The following NR3C2 variants were observed in gnomAD, a reference collection of about 807,000 sequenced individuals.
NR3C2 encodes the protein nuclear receptor subfamily 3 group C member 2.
NR3C2 carries 15 observed loss-of-function variants against 86.4 expected under a neutral mutation model. That is an observed-to-expected ratio of 0.17 (90% CI 0.12 to 0.27). The LOEUF (loss-of-function observed/expected upper bound fraction) is 0.27, where lower values mean the gene tolerates loss of function less well. NR3C2 is among the 10% of genes least tolerant of loss of function. NR3C2 has a pLI of 1.00. For missense variants in NR3C2, 960 were observed against 1,195.6 expected (o/e 0.80, Z 2.91); for synonymous variants, 458 against 450.5 (o/e 1.02, Z -0.21).
Position 148,184,383 on chromosome 4 carries a change from C to T in NR3C2, c.2014+10363G>A, listed in dbSNP as rs1360378700. 5.3e-5 allele frequency among the ~76,000 whole-genome samples: 8 copies of T among 151,612 alleles called. No homozygotes were observed. In the South Asian group the frequency reaches 1.0e-3, roughly 20 times the overall value. On this transcript the variant is annotated intron_variant, in intron 4 of 8. Coordinates refer to ENST00000358102, the MANE Select transcript of NR3C2 (RefSeq NM_000901.5). Reference sequence around the variant, plus strand: ...CTGAGGCAGGAGAATCGCTTGAACCCGGGAGGCGGAGGTTGCAGTGAGCAT... The same window carrying T: ...CTGAGGCAGGAGAATCGCTTGAACCTGGGAGGCGGAGGTTGCAGTGAGCAT...
At chr4:148,147,102 G>C (rs968524247) in intron 6 of NR3C2, among the ~76,000 whole-genome samples, 1 of 152,160 alleles carries the variant, frequency 6.6e-6, no homozygotes, top group Non-Finnish European at 1.5e-5. Flanking sequence ...AAAGTTTTGA[G>C]TTTATAATAA....
chr4:148,423,451 C>T (rs2126614522), intron 2 of NR3C2, among the ~76,000 whole-genome samples: 1 of 152,280 alleles, frequency 6.6e-6, no homozygotes, highest in South Asian at 2.1e-4. Flanking sequence ...GAAATCTTCA[C>T]CTCCTGTATG....
intron 4 of NR3C2, among the ~76,000 whole-genome samples, chr4:148,193,894 T>C (rs1413473995): frequency 6.6e-6 from 1 of 152,242 alleles, no homozygotes; most frequent in Admixed American, 6.5e-5. Flanking sequence ...TATCCAATTG[T>C]CATAGTATTT....
At chr4:148,286,483 A>C (rs1741526587) in intron 2 of NR3C2, among the ~76,000 whole-genome samples, 1 of 152,196 alleles carries the variant, frequency 6.6e-6, no homozygotes, top group African/African-American at 2.4e-5. Context: ...CCATATGGTC[A>C]CTGCAAAAAG....
rs375273280 is a variant in NR3C2, at chr4:148,311,851, T to C, written c.1758-51734A>G. Among the ~76,000 whole-genome samples, 20 of 152,336 alleles carry C rather than the reference T, an allele frequency of 1.3e-4. 2 individuals are homozygous for C. The East Asian group carries it at 2.9e-3, about 22-fold the overall frequency. On this transcript the variant is annotated intron_variant, in intron 2 of 8. Coordinates refer to ENST00000358102, the MANE Select transcript of NR3C2 (RefSeq NM_000901.5). ...GCCAAGATACTCCTGCTTAGGACAT[T>C]TGCATCTGCTATTCACTCTGCCTGG...
chr4:148,421,596 T>C (rs938054965), intron 2 of NR3C2, among the ~76,000 whole-genome samples: 1 of 152,202 alleles, frequency 6.6e-6, no homozygotes, highest in African/African-American at 2.4e-5. Flanking sequence ...ATCAGTGACA[T>C]TTCTGGAGGA....
At chr4:148,393,833 G>C (rs2126502751) in intron 2 of NR3C2, among the ~76,000 whole-genome samples, 1 of 152,266 alleles carries the variant, frequency 6.6e-6, no homozygotes, top group South Asian at 2.1e-4. Flanking sequence ...TGAAGGTATG[G>C]AATGGTGGGG....
At chr4:148,418,221 T>C (rs1249965058) in intron 2 of NR3C2, among the ~76,000 whole-genome samples, 2 of 152,186 alleles carry the variant, frequency 1.3e-5, no homozygotes, top group Non-Finnish European at 2.9e-5. Flanking sequence ...TATGTTATAG[T>C]CCATAATAAG....
In NR3C2 at chr4:148,436,308, T is replaced by C. The variant is rs1305781240; in HGVS notation, c.553A>G (p.Ile185Val). ...GVMRAVVKSP[I>V]MCHEKSPSVC... is the part of the protein sequence containing the mutation. ...GACGGGCTTTTCTCATGACACATGATAGGGCTTTTAACAACGGCGCGCATG... is the reference window on the plus strand; with the variant it reads ...GACGGGCTTTTCTCATGACACATGACAGGGCTTTTAACAACGGCGCGCATG... The change falls in exon 2 of 9, where the codon ATC becomes GTC. Residue 185 changes from isoleucine to valine, a missense_variant. Transcript: ENST00000358102. 5.0e-6 allele frequency: 8 copies of C among 1,614,006 alleles called. No homozygotes were observed. The highest frequency in any genetic ancestry group is 2.7e-5 in the African/African-American group (2 of 74,888).
chr4:148,117,536 G>A (rs1349629602), intron 7 of NR3C2, among the ~76,000 whole-genome samples: 1 of 150,462 alleles, frequency 6.6e-6, no homozygotes, highest in African/African-American at 2.4e-5. Flanking sequence ...ACACTTACGT[G>A]CCTCCGTTTT....
chr4:148,372,620 A>G (rs2126392587), intron 2 of NR3C2, among the ~76,000 whole-genome samples: 1 of 152,358 alleles, frequency 6.6e-6, no homozygotes, highest in East Asian at 1.9e-4. Context: ...ACATTATGAA[A>G]CATTATAAAA....
intron 3 of NR3C2, among the ~76,000 whole-genome samples, chr4:148,212,569 A>G (rs1737334551): frequency 6.6e-6 from 1 of 152,238 alleles, no homozygotes; most frequent in African/African-American, 2.4e-5. Flanking sequence ...GTTACTGTTT[A>G]AAACCTTGTC....
At chr4:148,286,826 A>G (rs1741548671) in intron 2 of NR3C2, among the ~76,000 whole-genome samples, 1 of 152,242 alleles carries the variant, frequency 6.6e-6, no homozygotes, top group Non-Finnish European at 1.5e-5. Context: ...CAGCAAAAAA[A>G]TTCTCATAAC....
At chr4:148,299,511 C>A (rs112031659) in intron 2 of NR3C2, among the ~76,000 whole-genome samples, 1 of 152,178 alleles carries the variant, frequency 6.6e-6, no homozygotes, top group South Asian at 2.1e-4. Flanking sequence ...AGCAGCGGCT[C>A]CCGGACCCCT....
intron 3 of NR3C2, among the ~76,000 whole-genome samples, chr4:148,197,726 T>C (rs982440917): frequency 5.3e-5 from 8 of 152,178 alleles, no homozygotes; most frequent in African/African-American, 9.6e-5. Context: ...CTTCCACATA[T>C]AGGATAGGAG....
At position 148,111,444 on chromosome 4, in the gene NR3C2, GCCATATTAC is replaced by G. The variant is rs1206492909; in HGVS notation, c.2799+2651_2799+2659del. ...TTTCTTAAAATATGAAAATATACCT[GCCATATTAC>G]CCAGGTATTCTACTACAAGGCATTC... On this transcript the variant is annotated intron_variant, in intron 8 of 8. Coordinates refer to ENST00000358102, the MANE Select transcript of NR3C2 (RefSeq NM_000901.5). Among the ~76,000 whole-genome samples the G allele has an allele frequency of 3.3e-5, 5 of 152,302 alleles. No homozygotes were observed. The East Asian group carries it at 9.6e-4, about 29-fold the overall frequency.
At chr4:148,126,145 T>A (rs1310697144) in intron 6 of NR3C2, among the ~76,000 whole-genome samples, 1 of 152,264 alleles carries the variant, frequency 6.6e-6, no homozygotes, top group Non-Finnish European at 1.5e-5. Flanking sequence ...CCTTTCAGCA[T>A]GCTGGCTTTG....
chr4:148,256,002 C>A (rs1037459489), intron 3 of NR3C2, among the ~76,000 whole-genome samples: 2 of 152,196 alleles, frequency 1.3e-5, no homozygotes, highest in Non-Finnish European at 2.9e-5. Flanking sequence ...CACAGCCTTG[C>A]TAGATTATTG....
At chr4:148,433,015 T>A (rs974828990) in intron 2 of NR3C2, among the ~76,000 whole-genome samples, 2 of 152,136 alleles carry the variant, frequency 1.3e-5, no homozygotes, top group Non-Finnish European at 2.9e-5. Flanking sequence ...TTGACTGTAT[T>A]AACAAATACA....
Sources: allele counts gnomAD v4.1 joint callset (sites outside exome capture counted in the v4.1 genomes callset), GRCh38; gene constraint gnomAD v4.1.1; transcripts MANE v1.5; gene names NCBI Gene and HGNC (gene_info 2026-07-23, HGNC 2026-07-21).